ITGA8: variants seen among roughly 807,000 people sequenced by gnomAD.
ITGA8 encodes the protein integrin alpha-8.
In ITGA8, 91 loss-of-function variants were observed where a neutral mutation model predicts 142.3. The ratio of observed to expected loss-of-function variants is 0.64; its 90% confidence interval spans 0.54 to 0.76. The LOEUF is 0.76. Among genes scored for constraint, ITGA8 ranks in the 30% least tolerant of loss-of-function variants. The probability of loss-of-function intolerance (pLI) is 0.00; values close to 1 mark genes in which losing one functional copy is unlikely to be tolerated. For missense variants in ITGA8, 1,406 were observed against 1,327.7 expected (o/e 1.06, Z -0.92); for synonymous variants, 505 against 485.2 (o/e 1.04, Z -0.54).
chr10:15,548,325 T>C, intron 27 of ITGA8, 130 bp downstream of exon 27: 1 of 658,634 alleles, frequency 1.5e-6, no homozygotes, highest in South Asian at 1.9e-5. Context: ...GCTCCTGGCC[T>C]CAAGTAATCC....
intron 13 of ITGA8, among the ~76,000 whole-genome samples, chr10:15,617,647 C>A (rs1244005112): frequency 6.6e-6 from 1 of 151,970 alleles, no homozygotes; most frequent in Non-Finnish European, 1.5e-5. Context: ...GATCCACCCG[C>A]CTCGGCCTCC....
chr10:15,652,429 C>T (rs1416337924), intron 11 of ITGA8, among the ~76,000 whole-genome samples: 1 of 141,460 alleles, frequency 7.1e-6, no homozygotes, highest in African/African-American at 2.6e-5. Flanking sequence ...CTGTGCATAT[C>T]TGAAAGGCCA....
intron 13 of ITGA8, among the ~76,000 whole-genome samples, chr10:15,628,883 C>G (rs904242348): frequency 1.3e-4 from 19 of 151,884 alleles, no homozygotes; most frequent in African/African-American, 4.4e-4. Flanking sequence ...TAAAAAGGAA[C>G]AATTAACTGT....
chr10:15,673,485 C>T (rs1422198034), intron 6 of ITGA8, among the ~76,000 whole-genome samples: 2 of 152,148 alleles, frequency 1.3e-5, no homozygotes, highest in African/African-American at 4.8e-5. Flanking sequence ...GCCCAAAGAG[C>T]TACAGTGCAT....
At chr10:15,576,564 A>G (rs1398633087) in intron 23 of ITGA8, among the ~76,000 whole-genome samples, 1 of 152,190 alleles carries the variant, frequency 6.6e-6, no homozygotes, top group African/African-American at 2.4e-5. Context: ...CAGATGTCAT[A>G]GGGCCCTTTT....
chr10:15,608,521 C>T (rs1268869929), intron 15 of ITGA8, among the ~76,000 whole-genome samples: 1 of 151,994 alleles, frequency 6.6e-6, no homozygotes, highest in Non-Finnish European at 1.5e-5. Flanking sequence ...GAAAATAGTA[C>T]AGGAGGTTAA....
At chr10:15,675,335 G>C (rs764602999) in intron 6 of ITGA8, among the ~76,000 whole-genome samples, 2 of 151,984 alleles carry the variant, frequency 1.3e-5, no homozygotes, top group Non-Finnish European at 1.5e-5. Context: ...CTCAGTGAGC[G>C]GCACCCACCT....
chr10:15,532,905 A>G (rs1195468980), intron 27 of ITGA8, among the ~76,000 whole-genome samples: 2 of 152,192 alleles, frequency 1.3e-5, no homozygotes. Flanking sequence ...TGTGCTCAGG[A>G]TGTGATTTAT....
At chr10:15,698,791 G>A (rs1012913338) in intron 2 of ITGA8, among the ~76,000 whole-genome samples, 3 of 152,128 alleles carry the variant, frequency 2.0e-5, no homozygotes, top group Non-Finnish European at 2.9e-5. Flanking sequence ...TGAGTTCTTT[G>A]TAGATTCTGG....
intron 8 of ITGA8, among the ~76,000 whole-genome samples, chr10:15,667,195 A>C (rs1834412086): frequency 1.3e-5 from 2 of 152,082 alleles, no homozygotes; most frequent in African/African-American, 4.8e-5. Context: ...TCAATTTCAG[A>C]GCCTGTTATT....
chr10:15,607,875 C>T (rs1331853869), intron 16 of ITGA8, 44 bp from the exon 17 acceptor site: 3 of 1,513,956 alleles, frequency 2.0e-6, no homozygotes. Flanking sequence ...TCAGTGAACA[C>T]AGTGCTCTAT....
intron 25 of ITGA8, among the ~76,000 whole-genome samples, chr10:15,562,706 G>C (rs2131573807): frequency 6.6e-6 from 1 of 152,346 alleles, no homozygotes; most frequent in East Asian, 1.9e-4. Flanking sequence ...TTGTTGACCA[G>C]TGGCAGAAAC....
chr10:15,619,222 C>T (rs1448823213), intron 13 of ITGA8, among the ~76,000 whole-genome samples: 1 of 152,160 alleles, frequency 6.6e-6, no homozygotes, highest in East Asian at 1.9e-4. Flanking sequence ...AAATGCACTG[C>T]TTGTTTTCTC....
At chr10:15,564,175 C>T (rs1834033444) in intron 25 of ITGA8, among the ~76,000 whole-genome samples, 1 of 152,212 alleles carries the variant, frequency 6.6e-6, no homozygotes, top group Non-Finnish European at 1.5e-5. Flanking sequence ...GAATGCCACT[C>T]TTAAACACCA....
chr10:15,633,640 G>C (rs1418487531), intron 13 of ITGA8, among the ~76,000 whole-genome samples: 2 of 152,014 alleles, frequency 1.3e-5, no homozygotes, highest in South Asian at 2.1e-4. Flanking sequence ...GAGGGGTCTT[G>C]AGCTCCTGAT....
intron 27 of ITGA8, among the ~76,000 whole-genome samples, chr10:15,532,418 CAAAAAAAAAAA>C (rs35130036): frequency 1.1e-4 from 3 of 27,824 alleles, no homozygotes; most frequent in African/African-American, 4.2e-4. Context: ...GACTCCCTCT[CAAAAAAAAAAA>C]AAAAAAAAAA....
At chr10:15,615,771 C>T (rs1833380454) in intron 14 of ITGA8, among the ~76,000 whole-genome samples, 1 of 152,156 alleles carries the variant, frequency 6.6e-6, no homozygotes, top group African/African-American at 2.4e-5. Flanking sequence ...ACCTCGGCCC[C>T]CCAAAGTGCT....
At chr10:15,545,688 T>A (rs1279412407) in intron 27 of ITGA8, among the ~76,000 whole-genome samples, 1 of 152,164 alleles carries the variant, frequency 6.6e-6, no homozygotes, top group South Asian at 2.1e-4. Flanking sequence ...TTGCCTGTTT[T>A]TTTTTTTAGC....
chr10:15,718,657 T>C (rs1317465647), intron 2 of ITGA8, 109 bp downstream of exon 2: 4 of 1,380,026 alleles, frequency 2.9e-6, no homozygotes, highest in East Asian at 4.6e-5. Context: ...TACGGACATA[T>C]CAGACAAGCT....
Sources: allele counts gnomAD v4.1 joint callset (sites outside exome capture counted in the v4.1 genomes callset), GRCh38; gene constraint gnomAD v4.1.1; transcripts MANE v1.5; gene names NCBI Gene and HGNC (gene_info 2026-07-23, HGNC 2026-07-21).